Variants in PUS3 observed in about 807,000 individuals in gnomAD.
PUS3 encodes tRNA pseudouridine(38/39) synthase.
A neutral mutation model predicts 43.3 loss-of-function variants in PUS3; 36 were observed. That is an observed-to-expected ratio of 0.83 (90% CI 0.64 to 1.10). PUS3 has a LOEUF of 1.10. PUS3 is among the 50% of genes least tolerant of loss of function. The probability of loss-of-function intolerance (pLI) is 0.00; values close to 1 mark genes in which losing one functional copy is unlikely to be tolerated. For missense variants in PUS3, 544 were observed against 589.9 expected (o/e 0.92, Z 0.81); for synonymous variants, 183 against 199.2 (o/e 0.92, Z 0.69).
intron 1 of PUS3, among the ~76,000 whole-genome samples, chr11:125,898,229 T>A (rs1274253369): frequency 6.6e-6 from 1 of 152,080 alleles, no homozygotes; most frequent in Non-Finnish European, 1.5e-5. Context: ...GTTTTTCAGT[T>A]TAAAAAGAAA....
In PUS3 at chr11:125,894,282, C is replaced by T; in HGVS notation, c.949G>A (p.Ala317Thr). The T allele has an allele frequency of 6.3e-7, 1 of 1,595,346 alleles. No homozygotes were observed. Among genetic ancestry groups the T allele is most frequent in the East Asian group, 2.2e-5 (1 of 44,732 alleles). Reference protein sequence around the residue: ...KNPQKPQYSMAVEFPLVLYDC... With the variant: ...KNPQKPQYSMTVEFPLVLYDC... ...TATAAGACTAGAGGAAATTCTACAG[C>T]CATACTAGAGAAAAAGAGAAAAGAA... Residue 317 changes from alanine (A) to threonine (T), a missense_variant, in exon 4 of 4, where the codon GCT becomes ACT. Ala to Thr is a moderately conservative substitution (Grantham distance 58). Coordinates refer to ENST00000227474, the MANE Select transcript of PUS3 (RefSeq NM_031307.4).
At position 125,900,111 on chromosome 11, in the gene PUS3, G is replaced by A. The variant is rs139004406; in HGVS notation, c.-47+3059C>T. 75 of 1,613,980 alleles carry A rather than the reference G, an allele frequency of 4.6e-5. No individual in the cohort carries two copies. The highest frequency in any genetic ancestry group is 4.2e-4 in the East Asian group (19 of 44,884). The stretch of plus-strand genomic sequence containing the variant: ...GGTGTCCGAGAGCAGATGCTTTGTC[G>A]AGCAGAACCCCAATCCAAACCTCAG... On this transcript the variant is annotated intron_variant, in intron 1 of 3. Transcript: ENST00000227474.
rs755751324 is a variant in PUS3, at chr11:125,895,274, A to G, written c.894T>C (p.Ile298=). ...TCTCTATATTCAGCAGCTCATCAAT[A>G]ATCTCTGGCTTCTCCATTCCTTGGC... The part of the protein sequence containing the change: ...LIGQGMEKPE[I]IDELLNIEKN... The change falls in exon 3 of 4, where the codon ATT becomes ATC. Residue 298 remains isoleucine (I), a synonymous_variant. Transcript: ENST00000227474. 5.0e-6 allele frequency: 8 copies of G among 1,609,036 alleles called. No individual in the cohort carries two copies. The highest frequency in any genetic ancestry group is 6.8e-6 in the Non-Finnish European group (8 of 1,178,450).
intron 1 of PUS3, 51 bp from the exon 2 acceptor site, chr11:125,896,381 G>T: frequency 8.3e-7 from 1 of 1,201,200 alleles, no homozygotes; most frequent in Non-Finnish European, 1.2e-6. Flanking sequence ...TTCCTTTGAT[G>T]ATGTTCTAAT....
chr11:125,899,790 A>G (rs1944707142), intron 1 of PUS3: 4 of 1,614,236 alleles, frequency 2.5e-6, no homozygotes, highest in Non-Finnish European at 2.5e-6. Flanking sequence ...GTACAGTTCC[A>G]GGAAGACAAG....
At chr11:125,894,364 C>A in intron 3 of PUS3, 78 bp from the exon 4 acceptor site, 1 of 1,236,944 alleles carries the variant, frequency 8.1e-7, no homozygotes, top group South Asian at 1.5e-5. Flanking sequence ...GGGTTAGTTG[C>A]GTTAAGGGAG....
chr11:125,899,172 T>C, intron 1 of PUS3: 1 of 587,944 alleles, frequency 1.7e-6, no homozygotes, highest in Non-Finnish European at 3.0e-6. Flanking sequence ...ATAGATTCCC[T>C]AGAACTGAGT....
intron 2 of PUS3, 48 bp downstream of exon 2, chr11:125,895,859 G>C (rs1230912822): frequency 3.8e-6 from 6 of 1,591,906 alleles, no homozygotes; most frequent in Non-Finnish European, 5.1e-6. Context: ...TGTATACCTA[G>C]AATATCCTAG....
At chr11:125,899,281 G>T in intron 1 of PUS3, 1 of 1,208,350 alleles carries the variant, frequency 8.3e-7, no homozygotes. Flanking sequence ...GGAGATAAGG[G>T]AATGAGCAAT....
chr11:125,896,898 G>A (rs1481982046), intron 1 of PUS3, among the ~76,000 whole-genome samples: 1 of 152,154 alleles, frequency 6.6e-6, no homozygotes, highest in Non-Finnish European at 1.5e-5. Context: ...AGAAGCTAGA[G>A]ACAAGATTTT....
chr11:125,893,999 T>C lies in PUS3; in HGVS notation c.1232A>G (p.Tyr411Cys). ...TTTAGGACGGTCCATGAGGGGCTTA[T>C]ATGTGCGCATCTTCACTCCTTCTAC... ...AFVEGVKMRT[Y>C]KPLMDRPKCQ... is the part of the protein sequence containing the mutation. Residue 411 changes from tyrosine (Y) to cysteine (C), a missense_variant, in exon 4 of 4, where the codon TAT (tyrosine) becomes TGT (cysteine). Coordinates refer to ENST00000227474, the MANE Select transcript of PUS3 (RefSeq NM_031307.4). 2 of 1,614,230 alleles carry C rather than the reference T, an allele frequency of 1.2e-6. No homozygotes were observed. Among genetic ancestry groups the C allele is most frequent in the African/African-American group, 1.3e-5 (1 of 75,064 alleles).
intron 1 of PUS3, among the ~76,000 whole-genome samples, chr11:125,897,187 G>C (rs573585538): frequency 6.6e-6 from 1 of 152,108 alleles, no homozygotes; most frequent in Non-Finnish European, 1.5e-5. Flanking sequence ...CTGTTCTAAG[G>C]CCATGTTATC....
chr11:125,899,706 C>A (rs746276069), intron 1 of PUS3: 1 of 1,614,024 alleles, frequency 6.2e-7, no homozygotes, highest in Non-Finnish European at 8.5e-7. Context: ...ACAGATGAGT[C>A]GATTATCAGT....
chr11:125,902,752 A>C (rs559549645), intron 1 of PUS3, among the ~76,000 whole-genome samples: 2 of 152,100 alleles, frequency 1.3e-5, no homozygotes, highest in Non-Finnish European at 2.9e-5. Flanking sequence ...CTAGAAAGCA[A>C]TCGTGGTCTG....
Position 125,900,138 on chromosome 11 carries a change from A to G in PUS3, c.-47+3032T>C, listed in dbSNP as rs143043755. On this transcript the variant is annotated intron_variant, in intron 1 of 3. Transcript: ENST00000227474. ...GCAGAACCCCAATCCAAACCTCAGC[A>G]TATATATGTCCCAAACAATTATCTA... 3 of 1,614,220 alleles carry G rather than the reference A, an allele frequency of 1.9e-6. No homozygotes were observed. The South Asian group carries it at 3.3e-5, about 18-fold the overall frequency.
Position 125,903,164 on chromosome 11 carries a change from A to G in PUS3, c.-47+6T>C. On this transcript the variant is annotated splice_donor_region_variant and intron_variant, in intron 1 of 3. Transcript: ENST00000227474. Reference sequence around the variant, plus strand: ...AAGTAACCCACTCCAAAAATCCCACACTTACTTTCCGGCAGCCGGCCGCGC... The same window carrying G: ...AAGTAACCCACTCCAAAAATCCCACGCTTACTTTCCGGCAGCCGGCCGCGC... 1 of 985,308 alleles carries G rather than the reference A, an allele frequency of 1.0e-6. No homozygotes were observed. The highest frequency in any genetic ancestry group is 1.2e-6 in the Non-Finnish European group (1 of 829,784). The allele number at this position is 985,308 out of a possible 1,614,324, so 61.0% of individuals were successfully genotyped here.
chr11:125,897,885 T>G (rs942024919), intron 1 of PUS3, among the ~76,000 whole-genome samples: 5 of 152,152 alleles, frequency 3.3e-5, no homozygotes, highest in African/African-American at 1.2e-4. Flanking sequence ...CACAAATAGA[T>G]AAAAACTTGC....
At chr11:125,899,290 AT>A in intron 1 of PUS3, 1 of 1,340,624 alleles carries the variant, frequency 7.5e-7, no homozygotes, top group African/African-American at 1.4e-5. Flanking sequence ...GGAATGAGCA[AT>A]TTATGAGCTG....
At chr11:125,898,413 CG>C (rs1944656799) in intron 1 of PUS3, among the ~76,000 whole-genome samples, 1 of 152,126 alleles carries the variant, frequency 6.6e-6, no homozygotes, top group Non-Finnish European at 1.5e-5. Flanking sequence ...CAGCTGGGCG[CG>C]GTGGCTCACC....
Sources: allele counts gnomAD v4.1 joint callset (sites outside exome capture counted in the v4.1 genomes callset), GRCh38; gene constraint gnomAD v4.1.1; transcripts MANE v1.5; gene names NCBI Gene and HGNC (gene_info 2026-07-23, HGNC 2026-07-21).